GPR160: variants seen among roughly 807,000 people sequenced by gnomAD.
GPR160 encodes the protein G protein-coupled receptor 160.
GPR160 carries 2 observed loss-of-function variants against 2.6 expected under a neutral mutation model. That is an observed-to-expected ratio of 0.77 (90% CI 0.32 to 2.44). The LOEUF (loss-of-function observed/expected upper bound fraction) is 2.44, where lower values mean the gene tolerates loss of function less well. Ranked by LOEUF, GPR160 falls within the 30% of genes most tolerant of loss-of-function variation. The probability of loss-of-function intolerance (pLI) is 0.11; values close to 1 mark genes in which losing one functional copy is unlikely to be tolerated. For missense variants in GPR160, 351 were observed against 383.6 expected (o/e 0.91, Z 0.71); for synonymous variants, 130 against 132.2 (o/e 0.98, Z 0.12).
rs1055766952 is a variant in GPR160 at position 170,084,883 on chromosome 3, T to C, written c.911T>C (p.Ile304Thr). Residue 304 changes from isoleucine to threonine, a missense_variant, in exon 4 of 4, where the codon ATT becomes ACT. Coordinates refer to ENST00000355897, the MANE Select transcript of GPR160 (RefSeq NM_014373.3). The part of the protein sequence containing the change: ...FNCHKLNLKD[I>T]GLPLDPFVNW... ...TGTCACAAGCTTAATTTAAAAGACA[T>C]TGGATTACCTTTGGATCCATTTGTC... The C allele has an allele frequency of 2.5e-6, 4 of 1,606,964 alleles. No homozygotes were observed. The highest frequency in any genetic ancestry group is 1.3e-5 in the African/African-American group (1 of 74,828).
At chr3:170,077,816 TA>T (rs1285868552) in intron 2 of GPR160, 2 of 154,616 alleles carry the variant, frequency 1.3e-5, no homozygotes, top group Non-Finnish European at 2.9e-5. Context: ...TGTGTCTGAG[TA>T]CTCCTTTCTT....
intron 2 of GPR160, among the ~76,000 whole-genome samples, chr3:170,056,631 C>G (rs1424275299): frequency 6.6e-6 from 1 of 152,162 alleles, no homozygotes; most frequent in Non-Finnish European, 1.5e-5. Context: ...TAATCCATAA[C>G]TGGTGGCATA....
chr3:170,082,019 T>C (rs1244598854), intron 3 of GPR160, among the ~76,000 whole-genome samples: 3 of 152,190 alleles, frequency 2.0e-5, no homozygotes, highest in Admixed American at 1.3e-4. Flanking sequence ...GTCACACTGA[T>C]TTATCTTCAG....
At chr3:170,046,135 A>G (rs1465256857) in intron 2 of GPR160, among the ~76,000 whole-genome samples, 4 of 152,198 alleles carry the variant, frequency 2.6e-5, no homozygotes, top group Admixed American at 2.0e-4. Context: ...GAAGAAATGC[A>G]TCTGAGCTCT....
At chr3:170,041,298 ATTTTTT>A (rs764849488) in intron 2 of GPR160, among the ~76,000 whole-genome samples, 1 of 120,874 alleles carries the variant, frequency 8.3e-6, no homozygotes. Flanking sequence ...GGATGTAAAG[ATTTTTT>A]TTTTTTTTTT....
chr3:170,042,094 G>C (rs1460133386), intron 2 of GPR160, among the ~76,000 whole-genome samples: 3 of 151,932 alleles, frequency 2.0e-5, no homozygotes, highest in African/African-American at 7.3e-5. Context: ...TATTCTCCTA[G>C]ATTCATAAAC....
chr3:170,038,206 C>A lies in GPR160; in HGVS notation c.-331C>A, dbSNP rs1489889017. On this transcript the variant is annotated 5_prime_UTR_variant, in exon 1 of 4. Transcript: ENST00000355897. The surrounding 1 kb of genome is among the most constrained non-coding windows in gnomAD (Gnocchi z 5.3). ...TCAACCTTGCGGAGCCGACAGCCAT[C>A]GATCCTCGGGTGAGTGCGGGCGCAG... is the stretch of plus-strand genomic sequence containing the variant. 1 of 152,102 alleles carries A rather than the reference C, an allele frequency of 6.6e-6. No individual in the cohort carries two copies. The highest frequency in any genetic ancestry group is 1.5e-5 in the Non-Finnish European group (1 of 68,008). The allele number at this position is 152,102 out of a possible 1,614,324, so 9.4% of individuals were successfully genotyped here. A position where few individuals can be genotyped will look rare whatever the true frequency, so the allele number is the denominator to read the frequency against.
At chr3:170,048,321 C>G (rs1434479744) in intron 2 of GPR160, among the ~76,000 whole-genome samples, 8 of 152,176 alleles carry the variant, frequency 5.3e-5, no homozygotes, top group African/African-American at 1.9e-4. Flanking sequence ...ACAATGTACA[C>G]TACCTGGGTG....
In GPR160 at chr3:170,080,139, G is replaced by C. The variant is rs557059802; in HGVS notation, c.-69+242G>C. On this transcript the variant is annotated intron_variant, in intron 3 of 3. Coordinates refer to ENST00000355897, the MANE Select transcript of GPR160 (RefSeq NM_014373.3). The stretch of plus-strand genomic sequence containing the variant: ...AAGGACCAGATCTTGTAAATCTCTT[G>C]AGTCCCTGTATTTTGTGAACATTTT... Among the ~76,000 whole-genome samples the C allele has an allele frequency of 7.2e-5, 11 of 152,264 alleles. No individual in the cohort carries two copies. In the South Asian group the frequency reaches 2.3e-3, roughly 32 times the overall value.
At position 170,084,810 on chromosome 3, in the gene GPR160, T is replaced by A; in HGVS notation, c.838T>A (p.Leu280Ile). 1 of 1,607,844 alleles carries A rather than the reference T, an allele frequency of 6.2e-7. No individual in the cohort carries two copies. The change falls in exon 4 of 4, where the codon TTA becomes ATA. Residue 280 changes from leucine (L) to isoleucine (I), a missense_variant. Leu to Ile is a conservative substitution (Grantham distance 5). Coordinates refer to ENST00000355897, the MANE Select transcript of GPR160 (RefSeq NM_014373.3). Reference protein sequence around the residue: ...PAYIEMNIPWLYFVNSFLIAT... With the variant: ...PAYIEMNIPWIYFVNSFLIAT... ...ATATATTGAGATGAATATTCCCTGG[T>A]TATACTTTGTCAATAGTTTTCTCAT...
chr3:170,038,142 G>C lies in GPR160; in HGVS notation c.-395G>C, dbSNP rs922372211. 1 of 152,710 alleles carries C rather than the reference G, an allele frequency of 6.5e-6. No individual in the cohort carries two copies. The highest frequency in any genetic ancestry group is 1.9e-4 in the South Asian group (1 of 5,330). The allele number at this position is 152,710 out of a possible 1,614,324, so 9.5% of individuals were successfully genotyped here. ...GAGCTGGGCCCTCGCCCCTCCCTCGGGCGGTCACCTGGGCACGGGCGCTGC... is the reference window on the plus strand; with the variant it reads ...GAGCTGGGCCCTCGCCCCTCCCTCGCGCGGTCACCTGGGCACGGGCGCTGC... On this transcript the variant is annotated 5_prime_UTR_variant, in exon 1 of 4. Coordinates refer to ENST00000355897, the MANE Select transcript of GPR160 (RefSeq NM_014373.3). The surrounding 1 kb of genome is among the most constrained non-coding windows in gnomAD (Gnocchi z 5.3).
At chr3:170,062,684 A>G (rs1712029663) in intron 2 of GPR160, 6 of 1,436,194 alleles carry the variant, frequency 4.2e-6, no homozygotes, top group South Asian at 1.2e-5. Flanking sequence ...ATAGCCCATC[A>G]AGGGCAAACA....
rs1168285347 is a variant in GPR160 at position 170,084,679 on chromosome 3, C to G, written c.707C>G (p.Ser236Cys). ...TCCCACTCCAGTTATACTGTGAGAT[C>G]TAAAAAAATATTCTTATCCAAGCTC... ...FSSHSSYTVR[S>C]KKIFLSKLIV... Residue 236 changes from serine (S) to cysteine (C), a missense_variant, in exon 4 of 4, where the codon TCT becomes TGT. Physicochemically the swap from Ser to Cys is moderately radical, Grantham distance 112. Transcript: ENST00000355897. The G allele has an allele frequency of 6.2e-7, 1 of 1,611,278 alleles. No individual in the cohort carries two copies.
chr3:170,082,027 C>CA (rs1180034923), intron 3 of GPR160, among the ~76,000 whole-genome samples: 1 of 152,130 alleles, frequency 6.6e-6, no homozygotes, highest in Non-Finnish European at 1.5e-5. Flanking sequence ...GATTTATCTT[C>CA]AGACAAAATT....
At chr3:170,042,365 G>C (rs1000641324) in intron 2 of GPR160, among the ~76,000 whole-genome samples, 1 of 148,898 alleles carries the variant, frequency 6.7e-6, no homozygotes, top group Non-Finnish European at 1.5e-5. Flanking sequence ...AGGCTGCAGT[G>C]AGCCGTGATC....
At chr3:170,071,493 C>T (rs1212658264) in intron 2 of GPR160, among the ~76,000 whole-genome samples, 4 of 152,078 alleles carry the variant, frequency 2.6e-5, no homozygotes, top group African/African-American at 9.7e-5. Flanking sequence ...ACTCTTGAGC[C>T]CAATAAACCT....
chr3:170,045,532 G>C (rs1467476607), intron 2 of GPR160, among the ~76,000 whole-genome samples: 1 of 149,992 alleles, frequency 6.7e-6, no homozygotes, highest in Admixed American at 6.7e-5. Flanking sequence ...GGAGGTTGCA[G>C]TGAGCCGAGA....
At chr3:170,077,669 C>G (rs952121195) in intron 2 of GPR160, 3 of 152,232 alleles carry the variant, frequency 2.0e-5, no homozygotes, top group Non-Finnish European at 4.4e-5. Context: ...GTTAATTACC[C>G]GCAGACTGTG....
chr3:170,044,861 AG>A (rs1326722484), intron 2 of GPR160, among the ~76,000 whole-genome samples: 1 of 152,152 alleles, frequency 6.6e-6, no homozygotes, highest in Non-Finnish European at 1.5e-5. Context: ...CAGCCCCCCA[AG>A]AAAGCTCTGC....
Sources: allele counts gnomAD v4.1 joint callset (sites outside exome capture counted in the v4.1 genomes callset), GRCh38; gene constraint gnomAD v4.1.1; non-coding constraint Gnocchi (gnomAD v3.1); transcripts MANE v1.5; gene names NCBI Gene and HGNC (gene_info 2026-07-23, HGNC 2026-07-21).